FGF18: variants seen among roughly 807,000 people sequenced by gnomAD.
FGF18 encodes the protein fibroblast growth factor 18.
FGF18 carries 5 observed loss-of-function variants against 23.0 expected under a neutral mutation model. That is an observed-to-expected ratio of 0.22 (90% CI 0.11 to 0.46). The LOEUF is 0.46. FGF18 is among the 20% of genes least tolerant of loss of function. The probability of loss-of-function intolerance (pLI) is 0.99; values close to 1 mark genes in which losing one functional copy is unlikely to be tolerated. For missense variants in FGF18, 180 were observed against 291.6 expected, an observed-to-expected ratio of 0.62 and a Z score of 2.79; for synonymous variants, 117 against 118.9, an observed-to-expected ratio of 0.98 and a Z score of 0.10.
At position 171,420,250 on chromosome 5, in the gene FGF18, G is replaced by A. The variant is rs368770565; in HGVS notation, c.32+19G>A. The A allele has an allele frequency of 2.6e-5, 42 of 1,588,414 alleles. No homozygotes were observed. In the African/African-American group the frequency reaches 4.0e-4, roughly 15 times the overall value. ...CTTGCCTGTAAGCGCCCGCGCGCGGGGCTGCCCACCTTGCCTGGCTGTCTG... is the reference window on the plus strand; with the variant it reads ...CTTGCCTGTAAGCGCCCGCGCGCGGAGCTGCCCACCTTGCCTGGCTGTCTG... On this transcript the variant is annotated intron_variant, in intron 1 of 4. Transcript: ENST00000274625.
In FGF18 at chr5:171,456,576, A is replaced by G; in HGVS notation, c.395A>G (p.Lys132Arg). The G allele has an allele frequency of 6.2e-7, 1 of 1,614,120 alleles. No individual in the cohort carries two copies. Among genetic ancestry groups the G allele is most frequent in the Non-Finnish European group, 8.5e-7 (1 of 1,179,998 alleles). Residue 132 changes from lysine to arginine, a missense_variant, in exon 5 of 5, where the codon AAG (lysine) becomes AGG (arginine). This residue lies in a region of FGF18 where 83 missense variants were observed against 190.4 expected (regional missense o/e 0.44). Transcript: ENST00000274625. This position sits in a 1 kb window ranked among gnomAD's most constrained non-coding sequence, Gnocchi z 6.1. ...AGCAAGGAGTGTGTGTTCATCGAGA[A>G]GGTTCTGGAGAACAACTACACGGCC... ...GTSKECVFIE[K>R]VLENNYTALM...
At position 171,434,301 on chromosome 5, in the gene FGF18, G is replaced by A. The variant is rs1197791227; in HGVS notation, c.70-1792G>A. Among the ~76,000 whole-genome samples, 1 of 152,236 alleles carries A rather than the reference G, an allele frequency of 6.6e-6. No homozygotes were observed. ...CTTCCACCCTGAGGACAATCATGAA[G>A]GTTCAACAATGTGGTCCTGCTGACA... On this transcript the variant is annotated intron_variant, in intron 2 of 4. Coordinates refer to ENST00000274625, the MANE Select transcript of FGF18 (RefSeq NM_003862.3). This position sits in a 1 kb window ranked among gnomAD's most constrained non-coding sequence, Gnocchi z 4.6.
intron 2 of FGF18, among the ~76,000 whole-genome samples, chr5:171,435,429 G>T (rs1772231949): frequency 6.6e-6 from 1 of 152,196 alleles, no homozygotes; most frequent in Non-Finnish European, 1.5e-5. Context: ...CACAAGCTAA[G>T]CCTCAAGGGA....
Position 171,436,851 on chromosome 5 carries a change from T to C in FGF18, c.250+578T>C, listed in dbSNP as rs977149594. ...GGAACTCACCCCGCTCCCCTGCCTATGCTGCCTCTGCAATGGCTGGGAGGA... is the reference window on the plus strand; with the variant it reads ...GGAACTCACCCCGCTCCCCTGCCTACGCTGCCTCTGCAATGGCTGGGAGGA... On this transcript the variant is annotated intron_variant, in intron 3 of 4. Coordinates refer to ENST00000274625, the MANE Select transcript of FGF18 (RefSeq NM_003862.3). This position sits in a 1 kb window ranked among gnomAD's most constrained non-coding sequence, Gnocchi z 4.4. 2.6e-5 allele frequency among the ~76,000 whole-genome samples: 4 copies of C among 152,206 alleles called. No homozygotes were observed. Among genetic ancestry groups the C allele is most frequent in the African/African-American group, 9.6e-5 (4 of 41,460 alleles).
At chr5:171,441,821 C>T (rs1772349977) in intron 3 of FGF18, among the ~76,000 whole-genome samples, 1 of 152,140 alleles carries the variant, frequency 6.6e-6, no homozygotes, top group African/African-American at 2.4e-5. Context: ...GGCAGGTGTC[C>T]TTCCCCCTGG....
rs61100768 is a variant in FGF18, at chr5:171,440,225, T to TGG, written c.250+3960_250+3961dup. On this transcript the variant is annotated intron_variant, in intron 3 of 4. Transcript: ENST00000274625. This position sits in a 1 kb window ranked among gnomAD's most constrained non-coding sequence, Gnocchi z 4.0. ...ACCTGACCTCCTTACTATGGGTGTGTGGGGGGGGGTGGTGCCATCGCGGGC... is the reference window on the plus strand; with the variant it reads ...ACCTGACCTCCTTACTATGGGTGTGTGGGGGGGGGGGTGGTGCCATCGCGGGC... Among the ~76,000 whole-genome samples, 6,414 of 150,752 alleles carry TGG rather than the reference T, an allele frequency of 0.043. 210 individuals are homozygous for TGG. The highest frequency in any genetic ancestry group is 0.067 in the Non-Finnish European group (4,533 of 67,560).
chr5:171,420,376 C>T, intron 1 of FGF18, 31 bp from the exon 2 acceptor site: 3 of 1,612,950 alleles, frequency 1.9e-6, no homozygotes, highest in African/African-American at 1.3e-5. Flanking sequence ...CCTCAGGTCC[C>T]ACTGACCGCT....
At chr5:171,453,363 T>C (rs540692347) in intron 4 of FGF18, among the ~76,000 whole-genome samples, 1 of 152,204 alleles carries the variant, frequency 6.6e-6, no homozygotes, top group Non-Finnish European at 1.5e-5. Context: ...CTTCAGCCCT[T>C]TTAAGTAAAC....
Position 171,457,068 on chromosome 5 carries a change from A to G in FGF18, c.*263A>G, listed in dbSNP as rs1243664135. On this transcript the variant is annotated 3_prime_UTR_variant, in exon 5 of 5. Transcript: ENST00000274625. ...GGTGCTTGTCTCTCTCTAGGAACAGACAACTCTAAACTCGTCCCCAGAGGA... is the reference window on the plus strand; with the variant it reads ...GGTGCTTGTCTCTCTCTAGGAACAGGCAACTCTAAACTCGTCCCCAGAGGA... 4.6e-6 allele frequency: 2 copies of G among 432,666 alleles called. No individual in the cohort carries two copies. The highest frequency in any genetic ancestry group is 2.0e-5 in the African/African-American group (1 of 49,912). 26.8% of individuals were successfully genotyped at this position (432,666 alleles called of 1,614,324 possible).
rs751309713 is a variant in FGF18, at chr5:171,456,601, C to T, written c.420C>T (p.Ala140=). 6.2e-7 allele frequency: 1 copy of T among 1,614,068 alleles called. No homozygotes were observed. Among genetic ancestry groups the T allele is most frequent in the Non-Finnish European group, 8.5e-7 (1 of 1,180,046 alleles). Residue 140 remains alanine (A), a synonymous_variant, in exon 5 of 5, where the codon GCC becomes GCT. Coordinates refer to ENST00000274625, the MANE Select transcript of FGF18 (RefSeq NM_003862.3). The surrounding 1 kb of genome is among the most constrained non-coding windows in gnomAD (Gnocchi z 6.1). ...IEKVLENNYT[A]LMSAKYSGWY... ...AGGTTCTGGAGAACAACTACACGGC[C>T]CTGATGTCGGCTAAGTACTCCGGCT...
chr5:171,420,578 G>A, intron 2 of FGF18, 135 bp downstream of exon 2: 2 of 833,544 alleles, frequency 2.4e-6, no homozygotes, highest in East Asian at 2.7e-5. Context: ...TTCCCAGGGC[G>A]CGGAAGGGCG....
In FGF18 at chr5:171,451,813, C is replaced by A. The variant is rs938780844; in HGVS notation, c.357+2560C>A. Among the ~76,000 whole-genome samples the A allele has an allele frequency of 2.6e-5, 4 of 152,202 alleles. No homozygotes were observed. The highest frequency in any genetic ancestry group is 9.7e-5 in the African/African-American group (4 of 41,444). ...GCACTGTCCATGCTGTGCCCTCTGC[C>A]GGGACTGCCCTTCCCTCTGTCCACT... is the stretch of plus-strand genomic sequence containing the variant. On this transcript the variant is annotated intron_variant, in intron 4 of 4. Transcript: ENST00000274625. This position sits in a 1 kb window ranked among gnomAD's most constrained non-coding sequence, Gnocchi z 4.5.
intron 2 of FGF18, among the ~76,000 whole-genome samples, chr5:171,429,514 C>T (rs755714265): frequency 2.6e-5 from 4 of 152,202 alleles, no homozygotes; most frequent in African/African-American, 7.2e-5. Flanking sequence ...CTGACTTTAT[C>T]GGGAACCCCC....
rs6555956 is a variant in FGF18, at chr5:171,440,371, T to G, written c.250+4098T>G. Among the ~76,000 whole-genome samples, 40,597 of 151,564 alleles carry G rather than the reference T, an allele frequency of 0.27. 5,853 individuals carry two copies. Among genetic ancestry groups the G allele is most frequent in the African/African-American group, 0.38 (15,786 of 41,256 alleles). The stretch of plus-strand genomic sequence containing the variant: ...GGCAGGTTAGATGCAGGTAGAAGAG[T>G]CGTCCTCCCGTGATTCCCAGCAGCA... On this transcript the variant is annotated intron_variant, in intron 3 of 4. Transcript: ENST00000274625. This position sits in a 1 kb window ranked among gnomAD's most constrained non-coding sequence, Gnocchi z 4.0.
Position 171,456,679 on chromosome 5 carries a change from G to A in FGF18, c.498G>A (p.Arg166=). 6.2e-7 allele frequency: 1 copy of A among 1,614,038 alleles called. No homozygotes were observed. The highest frequency in any genetic ancestry group is 1.1e-5 in the South Asian group (1 of 91,064). The change falls in exon 5 of 5, where the codon CGG becomes CGA. Residue 166 remains arginine (R), a synonymous_variant. Transcript: ENST00000274625. The surrounding 1 kb of genome is among the most constrained non-coding windows in gnomAD (Gnocchi z 6.1). ...GGCCGCGGAAGGGCCCCAAGACCCGGGAGAACCAGCAGGACGTGCATTTCA... is the reference window on the plus strand; with the variant it reads ...GGCCGCGGAAGGGCCCCAAGACCCGAGAGAACCAGCAGGACGTGCATTTCA... ...KGRPRKGPKT[R]ENQQDVHFMK... is the part of the protein sequence containing the mutation.
chr5:171,428,758 C>G (rs1024942736), intron 2 of FGF18, among the ~76,000 whole-genome samples: 1 of 152,158 alleles, frequency 6.6e-6, no homozygotes. Context: ...TCTCCCTACC[C>G]AGGGGCTTTA....
Position 171,440,223 on chromosome 5 carries a change from TGTG to T in FGF18, c.250+3952_250+3954del, listed in dbSNP as rs879564572. Among the ~76,000 whole-genome samples, 6 of 121,748 alleles carry T rather than the reference TGTG, an allele frequency of 4.9e-5. No homozygotes were observed. Among genetic ancestry groups the T allele is most frequent in the Non-Finnish European group, 1.1e-4 (6 of 55,614 alleles). 79.9% of individuals were successfully genotyped at this position (121,748 alleles called of 152,430 possible). On this transcript the variant is annotated intron_variant, in intron 3 of 4. Transcript: ENST00000274625. This position sits in a 1 kb window ranked among gnomAD's most constrained non-coding sequence, Gnocchi z 4.0. ...CCACCTGACCTCCTTACTATGGGTG[TGTG>T]GGGGGGGGTGGTGCCATCGCGGGCT...
intron 3 of FGF18, among the ~76,000 whole-genome samples, chr5:171,439,617 G>A (rs910901542): frequency 6.6e-6 from 1 of 152,154 alleles, no homozygotes; most frequent in African/African-American, 2.4e-5. Context: ...GGCTGGGGAA[G>A]AGCCTCCATG....
At chr5:171,438,746 C>T (rs1441277160) in intron 3 of FGF18, among the ~76,000 whole-genome samples, 2 of 151,788 alleles carry the variant, frequency 1.3e-5, no homozygotes, top group African/African-American at 2.4e-5. Flanking sequence ...TCTGTGAGCC[C>T]GGGGAGAGGA....
Sources: allele counts gnomAD v4.1 joint callset (sites outside exome capture counted in the v4.1 genomes callset), GRCh38; gene constraint gnomAD v4.1.1; regional missense constraint gnomAD v4.1.1; non-coding constraint Gnocchi (gnomAD v3.1); transcripts MANE v1.5; gene names NCBI Gene and HGNC (gene_info 2026-07-23, HGNC 2026-07-21).